Variants in PCDHGA5 observed in about 807,000 individuals in gnomAD.
PCDHGA5 encodes protocadherin gamma subfamily A, 5.
PCDHGA5 carries 36 observed loss-of-function variants against 56.7 expected under a neutral mutation model. The ratio of observed to expected loss-of-function variants is 0.64; its 90% CI spans 0.49 to 0.84. The LOEUF is 0.84. Among genes scored for constraint, PCDHGA5 ranks in the 40% least tolerant of loss-of-function variants. The probability of loss-of-function intolerance (pLI) is 0.00; values close to 1 mark genes in which losing one functional copy is unlikely to be tolerated. For synonymous variants in PCDHGA5, 563 were observed against 520.2 expected, an observed-to-expected ratio of 1.08 and a Z score of -1.12; for missense variants, 1,305 against 1,201.5, an observed-to-expected ratio of 1.09 and a Z score of -1.27.
chr5:141,490,942 C>A lies in PCDHGA5; in HGVS notation c.2422-3865C>A, dbSNP rs371286343. On this transcript the variant is annotated intron_variant, in intron 1 of 3. Coordinates refer to ENST00000518069, the MANE Select transcript of PCDHGA5 (RefSeq NM_018918.3). This position sits in a 1 kb window ranked among gnomAD's most constrained non-coding sequence, Gnocchi z 5.4. ...TAATGCCCCAGCTGTGCTGCACCCA[C>A]GGCCAGACTGGGAACACTCAGCCCC... The A allele has an allele frequency of 3.0e-5, 49 of 1,613,526 alleles. No individual in the cohort carries two copies. The highest frequency in any genetic ancestry group is 4.1e-5 in the Non-Finnish European group (48 of 1,179,768).
rs1486554010 is a variant in PCDHGA5 at position 141,431,630 on chromosome 5, G to C, written c.2422-63177G>C. Reference sequence around the variant, plus strand: ...GTATGTGGACGACAAGGCGGCCCAAGTTTTCAAACTAGATTGTAATTCAGG... The same window carrying C: ...GTATGTGGACGACAAGGCGGCCCAACTTTTCAAACTAGATTGTAATTCAGG... On this transcript the variant is annotated intron_variant, in intron 1 of 3. Transcript: ENST00000518069. This position sits in a 1 kb window ranked among gnomAD's most constrained non-coding sequence, Gnocchi z 4.8. 6.2e-7 allele frequency: 1 copy of C among 1,614,250 alleles called. No individual in the cohort carries two copies. Among genetic ancestry groups the C allele is most frequent in the East Asian group, 2.2e-5 (1 of 44,882 alleles).
In PCDHGA5 at chr5:141,371,464, A is replaced by G. The variant is rs756446984; in HGVS notation, c.2421+4713A>G. The G allele has an allele frequency of 3.7e-6, 6 of 1,613,830 alleles. No individual in the cohort carries two copies. Among genetic ancestry groups the G allele is most frequent in the Non-Finnish European group, 5.1e-6 (6 of 1,179,870 alleles). ...CTGGCTTCTGAATCCCAACATATAC[A>G]AGAAGATGCTGAGCTGGGGACTGCC... is the stretch of plus-strand genomic sequence containing the variant. On this transcript the variant is annotated intron_variant, in intron 1 of 3. Coordinates refer to ENST00000518069, the MANE Select transcript of PCDHGA5 (RefSeq NM_018918.3).
chr5:141,414,659 T>C lies in PCDHGA5; in HGVS notation c.2421+47908T>C, dbSNP rs566999623. On this transcript the variant is annotated intron_variant, in intron 1 of 3. Coordinates refer to ENST00000518069, the MANE Select transcript of PCDHGA5 (RefSeq NM_018918.3). ...GAGAATGCCCAGATTATTTACTCCC[T>C]GGCTGAAGACACCATCCAGGGGGTA... 21 of 1,614,010 alleles carry C rather than the reference T, an allele frequency of 1.3e-5. No homozygotes were observed. In the South Asian group the frequency reaches 2.2e-4, roughly 17 times the overall value.
Position 141,491,627 on chromosome 5 carries a change from A to C in PCDHGA5, c.2422-3180A>C. On this transcript the variant is annotated intron_variant, in intron 1 of 3. Transcript: ENST00000518069. The surrounding 1 kb of genome is among the most constrained non-coding windows in gnomAD (Gnocchi z 6.9). ...ACTTTTCTAAGACCCCTCAGCGTTC[A>C]GCAGCCCACAGCTCTGGCGCTGGAG... 6.2e-7 allele frequency: 1 copy of C among 1,613,924 alleles called. No homozygotes were observed. The highest frequency in any genetic ancestry group is 8.5e-7 in the Non-Finnish European group (1 of 1,180,026).
intron 1 of PCDHGA5, chr5:141,393,085 A>T (rs1350561914): frequency 5.6e-6 from 9 of 1,613,542 alleles, no homozygotes; most frequent in Non-Finnish European, 7.6e-6. Flanking sequence ...GGCAGGATAG[A>T]TCGGGAGGAG....
Position 141,490,760 on chromosome 5 carries a change from T to G in PCDHGA5, c.2422-4047T>G. 1 of 1,614,070 alleles carries G rather than the reference T, an allele frequency of 6.2e-7. No individual in the cohort carries two copies. On this transcript the variant is annotated intron_variant, in intron 1 of 3. Coordinates refer to ENST00000518069, the MANE Select transcript of PCDHGA5 (RefSeq NM_018918.3). This position sits in a 1 kb window ranked among gnomAD's most constrained non-coding sequence, Gnocchi z 5.4. Reference sequence around the variant, plus strand: ...CAGGGAGCCCCAGCCTCCTCCTTTGTGTATGTCAACCCAGAGGATGGACGG... The same window carrying G: ...CAGGGAGCCCCAGCCTCCTCCTTTGGGTATGTCAACCCAGAGGATGGACGG...
chr5:141,375,639 C>T (rs1364618927), intron 1 of PCDHGA5: 2 of 1,614,126 alleles, frequency 1.2e-6, no homozygotes, highest in Non-Finnish European at 1.7e-6. Flanking sequence ...GCCCTGCGCT[C>T]CTTCGACTAT....
chr5:141,484,530 A>G (rs1406516272), intron 1 of PCDHGA5, among the ~76,000 whole-genome samples: 1 of 152,200 alleles, frequency 6.6e-6, no homozygotes, highest in East Asian at 1.9e-4. Context: ...TTTTGAGTAT[A>G]TGGCAGTGGT....
rs1484954022 is a variant in PCDHGA5 at position 141,511,920 on chromosome 5, T to C, written c.*747T>C. 1 of 156,200 alleles carries C rather than the reference T, an allele frequency of 6.4e-6. No individual in the cohort carries two copies. Among genetic ancestry groups the C allele is most frequent in the Non-Finnish European group, 1.4e-5 (1 of 70,262 alleles). The allele number at this position is 156,200 out of a possible 1,614,324, so 9.7% of individuals were successfully genotyped here. The stretch of plus-strand genomic sequence containing the variant: ...CTCCTCCTCAAACAAGAGACTCCAC[T>C]GCATGTTCCAAGACAGTATGGGGTG... On this transcript the variant is annotated 3_prime_UTR_variant, in exon 4 of 4. Coordinates refer to ENST00000518069, the MANE Select transcript of PCDHGA5 (RefSeq NM_018918.3).
At chr5:141,413,092 T>C in intron 1 of PCDHGA5, 1 of 1,429,614 alleles carries the variant, frequency 7.0e-7, no homozygotes, top group Non-Finnish European at 9.4e-7. Context: ...AGAGACACCC[T>C]GAAGCCACAG....
chr5:141,509,513 T>C (rs2099877131), intron 3 of PCDHGA5, among the ~76,000 whole-genome samples: 2 of 152,068 alleles, frequency 1.3e-5, no homozygotes, highest in Non-Finnish European at 2.9e-5. Flanking sequence ...ACGGTGTTGA[T>C]GATGTATTGC....
chr5:141,385,588 A>G (rs1290476871), intron 1 of PCDHGA5: 11 of 1,258,860 alleles, frequency 8.7e-6, no homozygotes, highest in East Asian at 3.3e-5. Context: ...CTATGTTCCA[A>G]CCTACTTTCT....
chr5:141,404,468 T>G, intron 1 of PCDHGA5: 2 of 1,613,514 alleles, frequency 1.2e-6, no homozygotes, highest in Non-Finnish European at 8.5e-7. Context: ...CACCTATGTC[T>G]CTATTAACTC....
At chr5:141,441,981 C>A in intron 1 of PCDHGA5, 1 of 278,140 alleles carries the variant, frequency 3.6e-6, no homozygotes, top group South Asian at 3.6e-5. Context: ...GCCTGGAATG[C>A]GCACCGACGA....
chr5:141,387,555 A>G (rs1236867307), intron 1 of PCDHGA5: 10 of 410,246 alleles, frequency 2.4e-5, no homozygotes, highest in Non-Finnish European at 4.3e-5. Flanking sequence ...TCTTTCAGTT[A>G]GGCACACAAT....
chr5:141,419,069 C>G, intron 1 of PCDHGA5: 1 of 1,613,912 alleles, frequency 6.2e-7, no homozygotes, highest in Admixed American at 1.7e-5. Context: ...TTACTACAAG[C>G]TAGTAACAGA....
chr5:141,431,839 T>A lies in PCDHGA5; in HGVS notation c.2422-62968T>A. The A allele has an allele frequency of 1.2e-6, 2 of 1,614,198 alleles. No individual in the cohort carries two copies. The highest frequency in any genetic ancestry group is 1.7e-6 in the Non-Finnish European group (2 of 1,180,028). The stretch of plus-strand genomic sequence containing the variant: ...TCGCCAGCTCGGTTCCCGAAAACTC[T>A]CCCAGAGGGACATTAATTGCCCTTT... On this transcript the variant is annotated intron_variant, in intron 1 of 3. Coordinates refer to ENST00000518069, the MANE Select transcript of PCDHGA5 (RefSeq NM_018918.3). This position sits in a 1 kb window ranked among gnomAD's most constrained non-coding sequence, Gnocchi z 4.8.
At chr5:141,418,802 T>C in intron 1 of PCDHGA5, 1 of 1,613,862 alleles carries the variant, frequency 6.2e-7, no homozygotes, top group Non-Finnish European at 8.5e-7. Flanking sequence ...AGTAGAAAGA[T>C]ATACGATAAA....
chr5:141,489,086 G>A lies in PCDHGA5; in HGVS notation c.2422-5721G>A, dbSNP rs2233599. ...CCCCCCTGCCCACCCCCGCCACTCG[G>A]TGACTAAGAACTGCTGCAAGCAGGC... On this transcript the variant is annotated intron_variant, in intron 1 of 3. Coordinates refer to ENST00000518069, the MANE Select transcript of PCDHGA5 (RefSeq NM_018918.3). The surrounding 1 kb of genome is among the most constrained non-coding windows in gnomAD (Gnocchi z 4.5). 2.2e-3 allele frequency: 754 copies of A among 340,206 alleles called. 5 individuals carry two copies. Among genetic ancestry groups the A allele is most frequent in the African/African-American group, 0.018 (712 of 39,726 alleles). 21.1% of individuals were successfully genotyped at this position (340,206 alleles called of 1,614,324 possible).
Sources: gnomAD v4.1 joint callset for allele counts (sites outside exome capture counted in the v4.1 genomes callset) on GRCh38, gnomAD v4.1.1 for gene constraint, Gnocchi (gnomAD v3.1) non-coding constraint, MANE v1.5 for transcripts, NCBI Gene and HGNC (gene_info 2026-07-23, HGNC 2026-07-21) for gene names.